The following RGS6 variants were observed in gnomAD, a reference collection of about 807,000 sequenced individuals.
RGS6 encodes regulator of G-protein signaling 6.
In RGS6, 30 loss-of-function variants were observed where a neutral mutation model predicts 78.5. That is an observed-to-expected ratio of 0.38 (90% CI 0.29 to 0.52). The LOEUF is 0.52. Ranked by LOEUF, RGS6 falls within the 20% of genes least tolerant of loss-of-function variation. The pLI, the probability that RGS6 is intolerant of heterozygous loss-of-function variation, is 0.85. For synonymous variants in RGS6, 206 were observed against 206.0 expected, an observed-to-expected ratio of 1.00 and a Z score of 0.00; for missense variants, 495 against 609.7, an observed-to-expected ratio of 0.81 and a Z score of 1.98.
Position 72,253,086 on chromosome 14 carries a change from C to T in RGS6, c.85-99009C>T, listed in dbSNP as rs141862489. ...CTTCCTTGTGGAGGAGTTCTCTATC[C>T]AATGGTGCCAGGCTTGGCCATGTGA... On this transcript the variant is annotated intron_variant, in intron 2 of 17. Coordinates refer to ENST00000553525, the MANE Select transcript of RGS6 (RefSeq NM_001204424.2). 2.2e-4 allele frequency among the ~76,000 whole-genome samples: 34 copies of T among 152,326 alleles called. 1 individual carries two copies. In the East Asian group the frequency reaches 6.4e-3, roughly 28 times the overall value.
intron 3 of RGS6, among the ~76,000 whole-genome samples, chr14:72,408,121 T>C (rs1239973724): frequency 6.6e-6 from 1 of 152,214 alleles, no homozygotes; most frequent in African/African-American, 2.4e-5. Flanking sequence ...TAACACTTAC[T>C]ATTTAAAGGA....
chr14:72,470,767 T>G (rs1394937386), intron 8 of RGS6, among the ~76,000 whole-genome samples: 2 of 151,398 alleles, frequency 1.3e-5, no homozygotes, highest in East Asian at 3.9e-4. Context: ...TAATCCCAGC[T>G]ACTCAGGAGG....
chr14:71,963,567 C>G (rs1262324347), intron 1 of RGS6, among the ~76,000 whole-genome samples: 2 of 152,188 alleles, frequency 1.3e-5, no homozygotes, highest in African/African-American at 4.8e-5. Flanking sequence ...GTGGACTTAC[C>G]TATTCTGGAT....
rs911059772 is a variant in RGS6 at position 72,550,653 on chromosome 14, ATAAT to A, written c.1422+10563_1422+10566del. The A allele has an allele frequency of 4.1e-5, 62 of 1,495,456 alleles. No individual in the cohort carries two copies. In the African/African-American group the frequency reaches 4.4e-4, roughly 11 times the overall value. 92.6% of individuals were successfully genotyped at this position (1,495,456 alleles called of 1,614,324 possible). On this transcript the variant is annotated intron_variant, in intron 17 of 17. Transcript: ENST00000553525. The stretch of plus-strand genomic sequence containing the variant: ...GGTTCTGAGGCATCCATAATTCTAA[ATAAT>A]TAAAGGAGTCAATCAATCACTAGCC...
the RGS6 span, among the ~76,000 whole-genome samples, chr14:71,868,935 C>T: frequency 1.3e-5 from 2 of 152,176 alleles, no homozygotes; most frequent in Admixed American, 6.5e-5. Flanking sequence ...GAGATGTCCC[C>T]TTTCTTCCAG....
intron 7 of RGS6, among the ~76,000 whole-genome samples, chr14:72,466,833 A>C (rs899622178): frequency 3.3e-5 from 5 of 152,240 alleles, no homozygotes; most frequent in Admixed American, 3.3e-4. Flanking sequence ...AAAGGAAAAA[A>C]GTCAAATTTA....
intron 2 of RGS6, among the ~76,000 whole-genome samples, chr14:72,077,831 A>C (rs2094641655): frequency 6.6e-6 from 1 of 152,220 alleles, no homozygotes; most frequent in Non-Finnish European, 1.5e-5. Context: ...AGTGCATTAA[A>C]TTTTTAGCTA....
At chr14:72,383,543 TATC>T (rs1183246824) in intron 3 of RGS6, among the ~76,000 whole-genome samples, 6 of 152,174 alleles carry the variant, frequency 3.9e-5, no homozygotes, top group African/African-American at 1.4e-4. Context: ...ATTATCCAAT[TATC>T]ATCCATTCTG....
At chr14:72,087,334 T>C (rs573556844) in intron 2 of RGS6, among the ~76,000 whole-genome samples, 148 of 152,270 alleles carry the variant, frequency 9.7e-4, no homozygotes, top group African/African-American at 3.4e-3. Flanking sequence ...TTTTGCCATA[T>C]TGGCCAGGCT....
At chr14:72,182,477 A>G (rs1255764618) in intron 2 of RGS6, among the ~76,000 whole-genome samples, 2 of 151,784 alleles carry the variant, frequency 1.3e-5, no homozygotes, top group Non-Finnish European at 2.9e-5. Flanking sequence ...ATTTTCTATT[A>G]ACTCCAACCA....
intron 2 of RGS6, among the ~76,000 whole-genome samples, chr14:72,105,973 G>T (rs969161513): frequency 6.6e-6 from 1 of 152,158 alleles, no homozygotes; most frequent in Non-Finnish European, 1.5e-5. Flanking sequence ...CGTCTTCAGC[G>T]TAGGTCCCAA....
chr14:72,236,718 G>C (rs532164285), intron 2 of RGS6, among the ~76,000 whole-genome samples: 2 of 152,208 alleles, frequency 1.3e-5, no homozygotes, highest in South Asian at 4.1e-4. Context: ...ACACGGTGAG[G>C]GGGCCGGGCA....
the RGS6 span, among the ~76,000 whole-genome samples, chr14:72,599,070 A>G: frequency 3.3e-5 from 5 of 152,228 alleles, no homozygotes; most frequent in Admixed American, 6.5e-5. Flanking sequence ...GGGATTCTCT[A>G]TTACCCTAAG....
chr14:72,209,597 C>T (rs2043552278), intron 2 of RGS6, among the ~76,000 whole-genome samples: 1 of 152,172 alleles, frequency 6.6e-6, no homozygotes, highest in African/African-American at 2.4e-5. Context: ...GAAACCCTCT[C>T]ACCTCCCCAT....
At chr14:72,126,272 G>C (rs1407046821) in intron 2 of RGS6, among the ~76,000 whole-genome samples, 1 of 152,210 alleles carries the variant, frequency 6.6e-6, no homozygotes, top group Non-Finnish European at 1.5e-5. Context: ...AGCCTTTGGG[G>C]ATTGGCCAAC....
At position 72,003,404 on chromosome 14, in the gene RGS6, T is replaced by C. The variant is rs199827057; in HGVS notation, c.84+38529T>C. On this transcript the variant is annotated intron_variant, in intron 2 of 17. Coordinates refer to ENST00000553525, the MANE Select transcript of RGS6 (RefSeq NM_001204424.2). The stretch of plus-strand genomic sequence containing the variant: ...TACGGTTCGGTGGCACTAATTATGC[T>C]CACAGTTTTGTGCAACTGTCACTGC... Among the ~76,000 whole-genome samples, 23 of 152,336 alleles carry C rather than the reference T, an allele frequency of 1.5e-4. No individual in the cohort carries two copies. In the East Asian group the frequency reaches 4.1e-3, roughly 27 times the overall value.
chr14:71,917,091 G>C, the RGS6 span, among the ~76,000 whole-genome samples: 2 of 152,220 alleles, frequency 1.3e-5, no homozygotes, highest in African/African-American at 4.8e-5. Flanking sequence ...CATGGGTCAG[G>C]CTGCTTTAAG....
the RGS6 span, among the ~76,000 whole-genome samples, chr14:72,629,307 C>T: frequency 6.6e-6 from 1 of 152,200 alleles, no homozygotes; most frequent in African/African-American, 2.4e-5. Flanking sequence ...ATTATTCTCT[C>T]TGCCTTTGTA....
At chr14:72,124,821 T>G (rs910052585) in intron 2 of RGS6, among the ~76,000 whole-genome samples, 6 of 152,132 alleles carry the variant, frequency 3.9e-5, no homozygotes, top group Admixed American at 6.5e-5. Context: ...GTGTTGGAAA[T>G]TAAGGACTGA....
Sources: allele counts gnomAD v4.1 joint callset (sites outside exome capture counted in the v4.1 genomes callset), GRCh38; gene constraint gnomAD v4.1.1; transcripts MANE v1.5; gene names NCBI Gene and HGNC (gene_info 2026-07-23, HGNC 2026-07-21).